Variants in PAPOLA observed in about 807,000 individuals in gnomAD.
The protein encoded by PAPOLA is poly(A) polymerase alpha.
PAPOLA carries 15 observed loss-of-function variants against 100.6 expected under a neutral mutation model. That is an observed-to-expected ratio of 0.15 (90% confidence interval 0.10 to 0.23). The LOEUF is 0.23. PAPOLA is among the 10% of genes least tolerant of loss of function. The pLI is 1.00. For synonymous variants in PAPOLA, 293 were observed against 300.0 expected, an observed-to-expected ratio of 0.98 and a Z score of 0.24; for missense variants, 533 against 884.2, an observed-to-expected ratio of 0.60 and a Z score of 5.04.
chr14:96,545,363 C>T lies in PAPOLA; in HGVS notation c.1399+1105C>T, dbSNP rs577852658. The stretch of plus-strand genomic sequence containing the variant: ...CAAGTGATTGCACTTTATGTAGAAT[C>T]GCGAGCAGTGTGACATCTATAAATT... On this transcript the variant is annotated intron_variant, in intron 15 of 21. Transcript: ENST00000216277. 4.6e-5 allele frequency among the ~76,000 whole-genome samples: 7 copies of T among 152,096 alleles called. No homozygotes were observed. In the South Asian group the frequency reaches 6.2e-4, roughly 14 times the overall value.
rs570064395 is a variant in PAPOLA at position 96,552,559 on chromosome 14, C to T, written c.1601C>T (p.Ser534Phe). Residue 534 changes from serine to phenylalanine, a missense_variant, in exon 17 of 22, where the codon TCT becomes TTT. Physicochemically the swap from Ser to Phe is radical, Grantham distance 155 (BLOSUM62 -2). This residue lies in a region of PAPOLA where 242 missense variants were observed against 281.0 expected (regional missense o/e 0.86). Transcript: ENST00000216277. ...DLSMDSDNSMSVPSPTSATKT... is the reference protein window; with the variant it reads ...DLSMDSDNSMFVPSPTSATKT... ...TCTATGGACAGTGATAACAGCATGT[C>T]TGTGCCTTCACCTACTAGTGCTACG... 5.0e-6 allele frequency: 8 copies of T among 1,613,782 alleles called. No homozygotes were observed. In the East Asian group the frequency reaches 1.6e-4, roughly 31 times the overall value.
rs962593208 is a variant in PAPOLA at position 96,535,025 on chromosome 14, A to C, written c.909+462A>C. 3 of 979,010 alleles carry C rather than the reference A, an allele frequency of 3.1e-6. No homozygotes were observed. In the Admixed American group the frequency reaches 1.8e-4, roughly 59 times the overall value. 60.6% of individuals were successfully genotyped at this position (979,010 alleles called of 1,614,324 possible). A position where few individuals can be genotyped will look rare whatever the true frequency, so the allele number is the denominator to read the frequency against. On this transcript the variant is annotated intron_variant, in intron 10 of 21. Coordinates refer to ENST00000216277, the MANE Select transcript of PAPOLA (RefSeq NM_032632.5). ...AATTACCATGATGTAATTGTAAAAA[A>C]AATTGGTTTAGATATTTTAGAGATT...
intron 10 of PAPOLA, chr14:96,534,820 T>C (rs942603553): frequency 2.1e-5 from 25 of 1,207,430 alleles, no homozygotes; most frequent in South Asian, 3.2e-5. Flanking sequence ...ATTTATTCTA[T>C]ATAGAACTAC....
intron 21 of PAPOLA, among the ~76,000 whole-genome samples, chr14:96,563,623 C>T (rs1902045693): frequency 6.6e-6 from 1 of 152,080 alleles, no homozygotes; most frequent in Admixed American, 6.5e-5. Context: ...ATACTATGTA[C>T]TATGATGATA....
At chr14:96,508,096 G>T in intron 1 of PAPOLA, among the ~76,000 whole-genome samples, 1 of 152,134 alleles carries the variant, frequency 6.6e-6, no homozygotes, top group East Asian at 1.9e-4. Context: ...GGTTGGTCTC[G>T]AACTCCTGAC....
chr14:96,516,333 C>A (rs1028659490), intron 1 of PAPOLA, among the ~76,000 whole-genome samples: 1 of 151,506 alleles, frequency 6.6e-6, no homozygotes, highest in African/African-American at 2.4e-5. Flanking sequence ...TTCTTTCTTT[C>A]TTTCCTTCCC....
chr14:96,507,557 G>C (rs1467289924), intron 1 of PAPOLA, among the ~76,000 whole-genome samples: 2 of 152,068 alleles, frequency 1.3e-5, no homozygotes, highest in African/African-American at 4.8e-5. Flanking sequence ...TTACAGGCGT[G>C]AGCCACCGCG....
chr14:96,550,941 T>C (rs1307879306), intron 16 of PAPOLA, among the ~76,000 whole-genome samples: 3 of 152,198 alleles, frequency 2.0e-5, no homozygotes, highest in African/African-American at 4.8e-5. Context: ...GTATTGTCTT[T>C]AGTAGCAGAA....
chr14:96,506,810 TCA>T (rs1412362088), intron 1 of PAPOLA, among the ~76,000 whole-genome samples: 1 of 152,242 alleles, frequency 6.6e-6, no homozygotes, highest in African/African-American at 2.4e-5. Context: ...AAGGGTACAT[TCA>T]GAGTGCAAGG....
chr14:96,545,310 C>A (rs932655450), intron 15 of PAPOLA, among the ~76,000 whole-genome samples: 1 of 152,012 alleles, frequency 6.6e-6, no homozygotes, highest in Non-Finnish European at 1.5e-5. Flanking sequence ...TGCTCAGATA[C>A]AGTGACACTA....
At chr14:96,538,401 A>G (rs1235057069) in intron 12 of PAPOLA, among the ~76,000 whole-genome samples, 1 of 152,026 alleles carries the variant, frequency 6.6e-6, no homozygotes, top group Non-Finnish European at 1.5e-5. Flanking sequence ...CATCATTAGA[A>G]CTTTGGTGCT....
chr14:96,551,291 T>C (rs576467237), intron 16 of PAPOLA, among the ~76,000 whole-genome samples: 33 of 152,246 alleles, frequency 2.2e-4, no homozygotes, highest in Non-Finnish European at 4.1e-4. Context: ...TAGAACTGAA[T>C]ATAATTTACT....
chr14:96,511,704 G>T (rs1470828523), intron 1 of PAPOLA, among the ~76,000 whole-genome samples: 4 of 152,072 alleles, frequency 2.6e-5, no homozygotes, highest in Admixed American at 2.6e-4. Flanking sequence ...ATTTTATTTA[G>T]CATTGTCTTT....
chr14:96,558,998 C>T (rs1411277920), intron 19 of PAPOLA, among the ~76,000 whole-genome samples: 1 of 151,654 alleles, frequency 6.6e-6, no homozygotes, highest in Non-Finnish European at 1.5e-5. Flanking sequence ...CTCCATCCCT[C>T]CCCCACTTTT....
chr14:96,527,153 C>G, intron 4 of PAPOLA: 1 of 405,028 alleles, frequency 2.5e-6, no homozygotes, highest in Non-Finnish European at 4.4e-6. Context: ...GAATAATTCC[C>G]TCTCCACCAT....
At position 96,520,852 on chromosome 14, in the gene PAPOLA, G is replaced by A. The variant is rs182482144; in HGVS notation, c.183-154G>A. On this transcript the variant is annotated intron_variant, in intron 2 of 21. Transcript: ENST00000216277. The stretch of plus-strand genomic sequence containing the variant: ...ATAGAAAGAGAGAGAGAGAGAAAGC[G>A]AGAGAGAGAGCGAGCGAGCGTGCAC... 378 of 549,200 alleles carry A rather than the reference G, an allele frequency of 6.9e-4. 1 individual carries two copies. Among genetic ancestry groups the A allele is most frequent in the African/African-American group, 9.9e-4 (52 of 52,270 alleles). The allele number at this position is 549,200 out of a possible 1,614,324, so 34.0% of individuals were successfully genotyped here.
intron 10 of PAPOLA, 191 bp downstream of exon 10, chr14:96,534,754 C>T: frequency 7.3e-7 from 1 of 1,366,844 alleles, no homozygotes; most frequent in South Asian, 1.9e-5. Flanking sequence ...ATTATGTACC[C>T]TGTAAACCAC....
intron 20 of PAPOLA, among the ~76,000 whole-genome samples, chr14:96,561,564 A>G (rs1901842650): frequency 6.6e-6 from 1 of 152,218 alleles, no homozygotes; most frequent in African/African-American, 2.4e-5. Flanking sequence ...TTTCCTATCC[A>G]TAGCAATTAT....
chr14:96,562,358 C>A (rs867516495), intron 20 of PAPOLA: 27 of 150,418 alleles, frequency 1.8e-4, no homozygotes, highest in African/African-American at 5.9e-4. Context: ...AGGGAGAAAT[C>A]TTTTTTAGAC....
Sources: gnomAD v4.1 joint callset for allele counts (sites outside exome capture counted in the v4.1 genomes callset) on GRCh38, gnomAD v4.1.1 for gene constraint, gnomAD v4.1.1 regional missense constraint, MANE v1.5 for transcripts, NCBI Gene and HGNC (gene_info 2026-07-23, HGNC 2026-07-21) for gene names.